The following NRXN1 variants were observed in gnomAD, a reference collection of about 807,000 sequenced individuals.
NRXN1 encodes neurexin-1.
Under a neutral mutation model 150.9 loss-of-function variants are expected in NRXN1, and 39 were observed. The ratio of observed to expected loss-of-function variants is 0.26; its 90% CI spans 0.20 to 0.34. The LOEUF (loss-of-function observed/expected upper bound fraction) is 0.34, where lower values mean the gene tolerates loss of function less well. NRXN1 is among the 10% of genes least tolerant of loss of function. NRXN1 has a pLI of 1.00. For synonymous variants in NRXN1, 924 were observed against 757.0 expected, an observed-to-expected ratio of 1.22 and a Z score of -3.62; for missense variants, 1,815 against 1,949.9, an observed-to-expected ratio of 0.93 and a Z score of 1.30.
intron 5 of NRXN1, among the ~76,000 whole-genome samples, chr2:50,703,091 T>A (rs983601763): frequency 2.6e-5 from 4 of 152,110 alleles, no homozygotes; most frequent in African/African-American, 9.6e-5. Flanking sequence ...CTATTACTGT[T>A]AGTATTGCTC....
intron 17 of NRXN1, among the ~76,000 whole-genome samples, chr2:50,420,960 A>G (rs1463989883): frequency 7.5e-6 from 1 of 133,434 alleles, no homozygotes; most frequent in Admixed American, 7.7e-5. Flanking sequence ...GTCAAAATAG[A>G]CCTGTGTGTG....
intron 8 of NRXN1, among the ~76,000 whole-genome samples, chr2:50,587,362 G>C (rs893202273): frequency 2.6e-5 from 4 of 152,292 alleles, no homozygotes; most frequent in Admixed American, 2.0e-4. Context: ...GTGTACACCT[G>C]TGGTCCTAGC....
At chr2:51,016,881 A>G (rs971592380) in intron 2 of NRXN1, among the ~76,000 whole-genome samples, 1 of 152,144 alleles carries the variant, frequency 6.6e-6, no homozygotes, top group African/African-American at 2.4e-5. Flanking sequence ...TAGACTGGAT[A>G]AAGAAAATGT....
rs939069074 is a variant in NRXN1 at position 50,246,777 on chromosome 2, G to A, written c.3365-9807C>T. 3.9e-5 allele frequency among the ~76,000 whole-genome samples: 6 copies of A among 151,956 alleles called. 1 individual carries two copies. The highest frequency in any genetic ancestry group is 1.4e-4 in the African/African-American group (6 of 41,392). ...GCTTTCCACATTCATTCCAGCCAAG[G>A]TTAATTCTCGCCTTTCAACATCCAC... On this transcript the variant is annotated intron_variant, in intron 17 of 22. Transcript: ENST00000401669.
chr2:50,095,068 T>C (rs999182230), intron 18 of NRXN1, among the ~76,000 whole-genome samples: 1 of 152,148 alleles, frequency 6.6e-6, no homozygotes, highest in Non-Finnish European at 1.5e-5. Flanking sequence ...GGGAGAGGAA[T>C]AGTGAAAGCC....
chr2:50,878,612 G>A (rs1298250839), intron 5 of NRXN1, among the ~76,000 whole-genome samples: 1 of 151,930 alleles, frequency 6.6e-6, no homozygotes, highest in Non-Finnish European at 1.5e-5. Flanking sequence ...AAAAGTGACT[G>A]AGCTATAAGG....
chr2:50,013,703 C>T (rs897984469), intron 21 of NRXN1, among the ~76,000 whole-genome samples: 2 of 152,062 alleles, frequency 1.3e-5, no homozygotes, highest in Admixed American at 6.6e-5. Context: ...TGGTGGAAAA[C>T]GTTTTTAAAT....
chr2:50,188,697 G>C (rs1002655169), intron 18 of NRXN1, among the ~76,000 whole-genome samples: 1 of 151,672 alleles, frequency 6.6e-6, no homozygotes, highest in African/African-American at 2.4e-5. Flanking sequence ...ACATCAAAAA[G>C]TGGATGAAGA....
At position 50,531,271 on chromosome 2, in the gene NRXN1, C is replaced by T. The variant is rs1163896637; in HGVS notation, c.2303G>A (p.Arg768His). Residue 768 changes from arginine to histidine, a missense_variant, in exon 11 of 23, where the codon CGC becomes CAC. By Grantham distance (29) the Arg-to-His change is conservative (BLOSUM62 0). Around this residue, in one of 6 missense-constraint regions of NRXN1, gnomAD observed 638 missense variants for 652.6 expected, o/e 0.98. Transcript: ENST00000401669. ...CACACGTCCTGCGTCTAGCTCCAGG[C>T]GGAGGGTGTCAGCAGAGTCTCTAGA... The part of the protein sequence containing the change: ...TTSRDSADTL[R>H]LELDAGRVKL... 1 of 1,613,444 alleles carries T rather than the reference C, an allele frequency of 6.2e-7. No individual in the cohort carries two copies. The highest frequency in any genetic ancestry group is 8.5e-7 in the Non-Finnish European group (1 of 1,179,660).
intron 18 of NRXN1, among the ~76,000 whole-genome samples, chr2:50,146,343 A>G (rs1472879416): frequency 6.6e-6 from 1 of 151,718 alleles, no homozygotes. Flanking sequence ...TACCCAAAGG[A>G]TTACAAATCA....
chr2:50,198,438 C>T (rs1034386745), intron 18 of NRXN1, among the ~76,000 whole-genome samples: 1 of 152,046 alleles, frequency 6.6e-6, no homozygotes, highest in Admixed American at 6.6e-5. Flanking sequence ...ACACAACTTC[C>T]CACACTTCCT....
chr2:50,266,226 T>C (rs1260299516), intron 17 of NRXN1, among the ~76,000 whole-genome samples: 1 of 149,584 alleles, frequency 6.7e-6, no homozygotes, highest in Admixed American at 6.7e-5. Flanking sequence ...CTTGAACGCC[T>C]GACCTAAGGT....
intron 18 of NRXN1, among the ~76,000 whole-genome samples, chr2:50,202,271 C>T (rs2062226890): frequency 6.6e-6 from 1 of 152,180 alleles, no homozygotes; most frequent in Admixed American, 6.5e-5. Flanking sequence ...CTTTTGGAGG[C>T]AGAGGCAGGA....
intron 9 of NRXN1, among the ~76,000 whole-genome samples, chr2:50,549,778 G>A (rs1667168880): frequency 6.6e-6 from 1 of 152,122 alleles, no homozygotes; most frequent in Admixed American, 6.6e-5. Flanking sequence ...GTATTTATCT[G>A]ATAATTAATT....
chr2:50,046,508 A>G (rs1691833163), intron 21 of NRXN1, among the ~76,000 whole-genome samples: 1 of 152,204 alleles, frequency 6.6e-6, no homozygotes, highest in Admixed American at 6.5e-5. Flanking sequence ...TTTCAGATGT[A>G]TGGTGCTCAC....
intron 19 of NRXN1, among the ~76,000 whole-genome samples, chr2:50,073,594 C>CT (rs1012105197): frequency 7.9e-5 from 12 of 152,044 alleles, no homozygotes; most frequent in African/African-American, 1.9e-4. Context: ...GTAGTGCTCA[C>CT]TTTTTTTAAT....
chr2:50,662,221 C>T (rs368813964), intron 5 of NRXN1, among the ~76,000 whole-genome samples: 2 of 152,120 alleles, frequency 1.3e-5, no homozygotes, highest in East Asian at 3.9e-4. Context: ...TTGAACACCA[C>T]ACCTGCCCTG....
chr2:50,354,678 G>C (rs2078672029), intron 17 of NRXN1, among the ~76,000 whole-genome samples: 1 of 149,800 alleles, frequency 6.7e-6, no homozygotes. Context: ...CAGAATTTAT[G>C]ATAATATTGT....
chr2:50,674,734 G>A (rs554180936), intron 5 of NRXN1, among the ~76,000 whole-genome samples: 1 of 152,100 alleles, frequency 6.6e-6, no homozygotes, highest in South Asian at 2.1e-4. Context: ...TTTTAGCTTG[G>A]GTGAATAATG....
Sources: gnomAD v4.1 joint callset for allele counts (sites outside exome capture counted in the v4.1 genomes callset) on GRCh38, gnomAD v4.1.1 for gene constraint, gnomAD v4.1.1 regional missense constraint, MANE v1.5 for transcripts, NCBI Gene and HGNC (gene_info 2026-07-23, HGNC 2026-07-21) for gene names.